NOVA1: variants seen among roughly 807,000 people sequenced by gnomAD.
The protein encoded by NOVA1 is RNA-binding protein Nova-1.
NOVA1 carries 7 observed loss-of-function variants against 38.0 expected under a neutral mutation model. The ratio of observed to expected loss-of-function variants is 0.18; its 90% CI spans 0.10 to 0.35. NOVA1 has a LOEUF of 0.35. Ranked by LOEUF, NOVA1 falls within the 10% of genes least tolerant of loss-of-function variation. The pLI is 1.00. For synonymous variants in NOVA1, 270 were observed against 232.5 expected (o/e 1.16, Z -1.47); for missense variants, 460 against 616.0 (o/e 0.75, Z 2.68).
chr14:26,574,587 G>T (rs2138736557), intron 2 of NOVA1, among the ~76,000 whole-genome samples: 1 of 152,120 alleles, frequency 6.6e-6, no homozygotes, highest in Admixed American at 6.6e-5. Flanking sequence ...GGGCATAAAT[G>T]AGTGGTTACT....
At chr14:26,498,439 T>C (rs1179767442) in intron 2 of NOVA1, among the ~76,000 whole-genome samples, 1 of 152,118 alleles carries the variant, frequency 6.6e-6, no homozygotes, top group African/African-American at 2.4e-5. Flanking sequence ...TTATATCATT[T>C]ATCTACTCAG....
intron 4 of NOVA1, among the ~76,000 whole-genome samples, chr14:26,461,766 T>TA (rs67979659): frequency 0.83 from 104,344 of 125,950 alleles, 44,151 homozygotes; most frequent in Non-Finnish European, 0.92. Flanking sequence ...CCATCTTTAC[T>TA]AAAAAAAAAA....
At chr14:26,495,091 T>A (rs1404056624) in intron 2 of NOVA1, among the ~76,000 whole-genome samples, 2 of 151,484 alleles carry the variant, frequency 1.3e-5, no homozygotes, top group Admixed American at 6.6e-5. Context: ...CATGCCACAC[T>A]TATTCTCTCT....
intron 2 of NOVA1, among the ~76,000 whole-genome samples, chr14:26,542,521 A>C (rs1396876538): frequency 6.6e-6 from 1 of 151,860 alleles, no homozygotes; most frequent in East Asian, 1.9e-4. Flanking sequence ...TATTTAGGGT[A>C]ATCACTCAAA....
chr14:26,581,046 T>C (rs1893186521), intron 2 of NOVA1, among the ~76,000 whole-genome samples: 1 of 152,056 alleles, frequency 6.6e-6, no homozygotes, highest in Non-Finnish European at 1.5e-5. Flanking sequence ...AAAGTTATAA[T>C]TATGAAAGAG....
At chr14:26,592,231 T>C (rs1229602665) in intron 2 of NOVA1, among the ~76,000 whole-genome samples, 2 of 151,372 alleles carry the variant, frequency 1.3e-5, no homozygotes, top group Non-Finnish European at 3.0e-5. Context: ...ACTAAACATA[T>C]CCTTATGCCA....
chr14:26,467,849 A>G (rs1594348177), intron 4 of NOVA1, among the ~76,000 whole-genome samples: 1 of 152,306 alleles, frequency 6.6e-6, no homozygotes, highest in Non-Finnish European at 1.5e-5. Context: ...TCAGTGAAGT[A>G]GGAAAGGAAG....
chr14:26,480,824 T>C (rs954725372), intron 2 of NOVA1, among the ~76,000 whole-genome samples: 2 of 152,140 alleles, frequency 1.3e-5, no homozygotes, highest in Non-Finnish European at 2.9e-5. Context: ...GCTGTCTTTA[T>C]TGATGATATA....
intron 2 of NOVA1, among the ~76,000 whole-genome samples, chr14:26,563,536 T>G (rs1296706894): frequency 1.3e-5 from 2 of 151,792 alleles, no homozygotes; most frequent in African/African-American, 4.8e-5. Flanking sequence ...CATAGCCCTA[T>G]GATCAGTGAT....
At chr14:26,553,838 T>TC (rs144292274) in intron 2 of NOVA1, among the ~76,000 whole-genome samples, 2,079 of 152,150 alleles carry the variant, frequency 0.014, 43 homozygotes, top group African/African-American at 0.045. Context: ...CTAGTACTCC[T>TC]CTCCCGTCCT....
chr14:26,596,600 T>C (rs1894206613), intron 1 of NOVA1: 1 of 1,289,016 alleles, frequency 7.8e-7, no homozygotes, highest in South Asian at 1.2e-5. Flanking sequence ...GGGTGCATTG[T>C]TAAGATGATT....
chr14:26,502,591 C>T (rs1388522412), intron 2 of NOVA1, among the ~76,000 whole-genome samples: 7 of 143,736 alleles, frequency 4.9e-5, no homozygotes, highest in Non-Finnish European at 9.1e-5. Flanking sequence ...TGAGTTTCAA[C>T]ATAACATGTT....
intron 2 of NOVA1, among the ~76,000 whole-genome samples, chr14:26,568,147 C>T (rs1206672372): frequency 6.6e-6 from 1 of 152,164 alleles, no homozygotes; most frequent in Admixed American, 6.5e-5. Context: ...AGGTTTTTAA[C>T]ACATATTGCT....
At chr14:26,542,437 T>C (rs890127376) in intron 2 of NOVA1, among the ~76,000 whole-genome samples, 3 of 151,864 alleles carry the variant, frequency 2.0e-5, no homozygotes, top group Admixed American at 6.6e-5. Context: ...GACTGCATTA[T>C]TATAAAAAGA....
At chr14:26,564,897 A>C (rs200559712) in intron 2 of NOVA1, among the ~76,000 whole-genome samples, 1 of 152,210 alleles carries the variant, frequency 6.6e-6, no homozygotes, top group Non-Finnish European at 1.5e-5. Flanking sequence ...GTTTAAATAC[A>C]TTTGTGGAAA....
At chr14:26,503,753 G>GTCT (rs1887420282) in intron 2 of NOVA1, among the ~76,000 whole-genome samples, 1 of 151,998 alleles carries the variant, frequency 6.6e-6, no homozygotes, top group Non-Finnish European at 1.5e-5. Context: ...ACATCCAGAG[G>GTCT]TTAGCTAAAT....
intron 2 of NOVA1, among the ~76,000 whole-genome samples, chr14:26,571,606 A>G (rs1293734793): frequency 6.6e-6 from 1 of 152,194 alleles, no homozygotes; most frequent in South Asian, 2.1e-4. Flanking sequence ...CGTGGCTAGA[A>G]CACAGAGGGC....
At chr14:26,479,154 T>C (rs910779615) in intron 3 of NOVA1, 16 of 151,990 alleles carry the variant, frequency 1.1e-4, no homozygotes, top group Admixed American at 2.6e-4. Context: ...TTTGAAGCCA[T>C]AGTCTGTGAT....
At chr14:26,547,652 T>G (rs974311459) in intron 2 of NOVA1, among the ~76,000 whole-genome samples, 5 of 152,114 alleles carry the variant, frequency 3.3e-5, no homozygotes, top group African/African-American at 4.8e-5. Context: ...ATAAAACATA[T>G]AATCTATTCT....
Sources: allele counts gnomAD v4.1 joint callset (sites outside exome capture counted in the v4.1 genomes callset), GRCh38; gene constraint gnomAD v4.1.1; transcripts MANE v1.5; gene names NCBI Gene and HGNC (gene_info 2026-07-23, HGNC 2026-07-21).